Variants in CACNA2D4 observed in about 807,000 individuals in gnomAD.
CACNA2D4 encodes voltage-dependent calcium channel subunit alpha-2/delta-4.
In CACNA2D4, 157 loss-of-function variants were observed where a neutral mutation model predicts 163.8. The observed-to-expected ratio is 0.96, with a 90% CI of 0.84 to 1.09. CACNA2D4 has a LOEUF of 1.09. CACNA2D4 is among the 50% of genes least tolerant of loss of function. The pLI, the probability that CACNA2D4 is intolerant of heterozygous loss-of-function variation, is 0.00. For missense variants in CACNA2D4, 1,410 were observed against 1,479.9 expected (o/e 0.95, Z 0.78); for synonymous variants, 598 against 586.9 (o/e 1.02, Z -0.27).
In CACNA2D4 at chr12:1,907,519, G is replaced by A; in HGVS notation, c.702C>T (p.Phe234=). The change falls in exon 6 of 38, where the codon TTC becomes TTT. Residue 234 remains phenylalanine (F), a synonymous_variant. Transcript: ENST00000382722. ...VYMSEALNAV[F]VENFQRDPTL... is the part of the protein sequence containing the mutation. ...TTGGGTCTCTCTGGAAGTTCTCCAC[G>A]AAGACAGCATTCAAGGCTTCAGACA... The A allele has an allele frequency of 2.5e-6, 4 of 1,613,358 alleles. No individual in the cohort carries two copies. The highest frequency in any genetic ancestry group is 2.7e-5 in the African/African-American group (2 of 75,050).
chr12:1,845,915 A>G (rs147664008), intron 24 of CACNA2D4, among the ~76,000 whole-genome samples: 131 of 152,340 alleles, frequency 8.6e-4, no homozygotes, highest in African/African-American at 2.9e-3. Context: ...CAGTGTGACA[A>G]CCAAAAGTAT....
At chr12:1,854,910 A>G (rs1865365822) in intron 22 of CACNA2D4, among the ~76,000 whole-genome samples, 1 of 152,250 alleles carries the variant, frequency 6.6e-6, no homozygotes, top group South Asian at 2.1e-4. Context: ...CAATTCAGTC[A>G]GCGGCATTTA....
chr12:1,871,161 C>T (rs1284890484), intron 18 of CACNA2D4, among the ~76,000 whole-genome samples: 2 of 144,432 alleles, frequency 1.4e-5, no homozygotes, highest in Non-Finnish European at 3.0e-5. Context: ...CACATGTGTG[C>T]TGCTGGTGTG....
intron 22 of CACNA2D4, among the ~76,000 whole-genome samples, chr12:1,854,636 C>T (rs1865361880): frequency 6.6e-6 from 1 of 152,144 alleles, no homozygotes; most frequent in Non-Finnish European, 1.5e-5. Flanking sequence ...GAACTCCTGA[C>T]CTCAAGTGAT....
At chr12:1,795,564 C>CA (rs1863093781) in intron 36 of CACNA2D4, 104 bp downstream of exon 36, 1 of 971,308 alleles carries the variant, frequency 1.0e-6, no homozygotes, top group Non-Finnish European at 1.6e-6. Context: ...GTGGAGGACA[C>CA]GGGCGGTGAA....
intron 18 of CACNA2D4, among the ~76,000 whole-genome samples, chr12:1,865,809 A>G (rs893673758): frequency 6.6e-5 from 10 of 152,230 alleles, no homozygotes; most frequent in African/African-American, 2.4e-4. Flanking sequence ...GACCAAAAAT[A>G]TTCCATTTTC....
At chr12:1,836,910 G>C (rs1864880655) in intron 26 of CACNA2D4, among the ~76,000 whole-genome samples, 1 of 152,218 alleles carries the variant, frequency 6.6e-6, no homozygotes, top group African/African-American at 2.4e-5. Flanking sequence ...GGCCAGGGCT[G>C]GGGCACCGCT....
In CACNA2D4 at chr12:1,884,996, G is replaced by C; in HGVS notation, c.1149C>G (p.Ile383Met). Residue 383 changes from isoleucine to methionine, a missense_variant, in exon 10 of 38, where the codon ATC (isoleucine) becomes ATG (methionine). Physicochemically the swap from Ile to Met is conservative, Grantham distance 10 (BLOSUM62 1). Transcript: ENST00000382722. Reference sequence around the variant, plus strand: ...TCATTACAGTGGGCACCTGCTTCAGGATCTGGAAGGCTTCTCTCAGGGCTT... The same window carrying C: ...TCATTACAGTGGGCACCTGCTTCAGCATCTGGAAGGCTTCTCTCAGGGCTT... ...VDQALREAFQ[I>M]LKQFQEAKQG... 6.2e-7 allele frequency: 1 copy of C among 1,613,700 alleles called. No homozygotes were observed. The highest frequency in any genetic ancestry group is 8.5e-7 in the Non-Finnish European group (1 of 1,179,658).
rs1484293564 is a variant in CACNA2D4 at position 1,792,198 on chromosome 12, T to C, written c.*1457A>G. 1 of 148,952 alleles carries C rather than the reference T, an allele frequency of 6.7e-6. No homozygotes were observed. Among genetic ancestry groups the C allele is most frequent in the African/African-American group, 2.4e-5 (1 of 41,182 alleles). 9.2% of individuals were successfully genotyped at this position (148,952 alleles called of 1,614,324 possible). A position where few individuals can be genotyped will look rare whatever the true frequency, so the allele number is the denominator to read the frequency against. ...TGGTACATGTAAACCTTAGCTGTTC[T>C]AGCATTATTCTGCCACTTAAGCTGT... On this transcript the variant is annotated 3_prime_UTR_variant, in exon 38 of 38. Coordinates refer to ENST00000382722, the MANE Select transcript of CACNA2D4 (RefSeq NM_172364.5).
At chr12:1,899,509 A>G (rs1866489065) in intron 6 of CACNA2D4, among the ~76,000 whole-genome samples, 1 of 152,182 alleles carries the variant, frequency 6.6e-6, no homozygotes, top group South Asian at 2.1e-4. Flanking sequence ...ATAAGAGAAT[A>G]ATAGATTCAT....
intron 20 of CACNA2D4, among the ~76,000 whole-genome samples, 159 bp downstream of exon 20, chr12:1,858,418 C>T (rs926215073): frequency 4.6e-5 from 7 of 152,182 alleles, no homozygotes; most frequent in Non-Finnish European, 1.0e-4. Context: ...GACACACACG[C>T]CCCTCTCCAC....
chr12:1,891,664 A>G (rs1468287042), intron 6 of CACNA2D4, among the ~76,000 whole-genome samples: 1 of 152,048 alleles, frequency 6.6e-6, no homozygotes. Flanking sequence ...GAGAATACAG[A>G]AAAGCAATGC....
In CACNA2D4 at chr12:1,885,905, C is replaced by G. The variant is rs1204742377; in HGVS notation, c.1068+60G>C. The G allele has an allele frequency of 1.7e-5, 21 of 1,250,254 alleles. No homozygotes were observed. The Admixed American group carries it at 3.9e-4, about 23-fold the overall frequency. The allele number at this position is 1,250,254 out of a possible 1,614,324, so 77.4% of individuals were successfully genotyped here. On this transcript the variant is annotated intron_variant, in intron 9 of 37. Coordinates refer to ENST00000382722, the MANE Select transcript of CACNA2D4 (RefSeq NM_172364.5). ...CCACAGAAACAGTCTACAGAGACAA[C>G]CGCCCACCATCCAGACAAGAGCAGG... is the stretch of plus-strand genomic sequence containing the variant.
At chr12:1,908,133 C>T (rs1442177016) in intron 4 of CACNA2D4, 96 bp from the exon 5 acceptor site, 32 of 1,282,604 alleles carry the variant, frequency 2.5e-5, no homozygotes, top group Non-Finnish European at 3.4e-5. Context: ...GACGAGAGGG[C>T]CGGGGCCGGG....
At position 1,793,787 on chromosome 12, in the gene CACNA2D4, G is replaced by A. The variant is rs199630146; in HGVS notation, c.3310-28C>T. 87 of 1,589,902 alleles carry A rather than the reference G, an allele frequency of 5.5e-5. No homozygotes were observed. The East Asian group carries it at 1.3e-3, about 24-fold the overall frequency. The stretch of plus-strand genomic sequence containing the variant: ...GCGAACGCAGAGCAGAGGTGACAGC[G>A]CGGCGCTCAGAGGAGGACCCTCAAA... On this transcript the variant is annotated intron_variant, in intron 37 of 37. Transcript: ENST00000382722.
chr12:1,918,034 G>A (rs1194295454), intron 1 of CACNA2D4: 2 of 530,828 alleles, frequency 3.8e-6, no homozygotes, highest in Admixed American at 7.5e-5. Flanking sequence ...AGGCAGGTGG[G>A]ACTCCAGAAC....
At chr12:1,846,011 G>T (rs1409096311) in intron 24 of CACNA2D4, among the ~76,000 whole-genome samples, 1 of 152,170 alleles carries the variant, frequency 6.6e-6, no homozygotes, top group African/African-American at 2.4e-5. Flanking sequence ...CCTACAGGGA[G>T]CTGGGCCTGG....
At chr12:1,886,152 G>A in intron 8 of CACNA2D4, 71 bp downstream of exon 8, 1 of 1,579,244 alleles carries the variant, frequency 6.3e-7, no homozygotes, top group Non-Finnish European at 8.7e-7. Flanking sequence ...AGGGGTTGTG[G>A]GTCACCTTGG....
chr12:1,902,010 C>A (rs1231072456), intron 6 of CACNA2D4, among the ~76,000 whole-genome samples: 1 of 152,108 alleles, frequency 6.6e-6, no homozygotes, highest in East Asian at 1.9e-4. Context: ...TTAAAAAGAT[C>A]ATTCATCATG....
Sources: gnomAD v4.1 joint callset for allele counts (sites outside exome capture counted in the v4.1 genomes callset) on GRCh38, gnomAD v4.1.1 for gene constraint, MANE v1.5 for transcripts, NCBI Gene and HGNC (gene_info 2026-07-23, HGNC 2026-07-21) for gene names.